Variants in FAM199X observed in about 807,000 individuals in gnomAD.
FAM199X encodes the protein family with sequence similarity 199, X-linked.
A neutral mutation model predicts 22.9 loss-of-function variants in FAM199X; 4 were observed. That is an observed-to-expected ratio of 0.17 (90% CI 0.09 to 0.40). The LOEUF is 0.40. Ranked by LOEUF, FAM199X falls within the 10% of genes least tolerant of loss-of-function variation. The probability of loss-of-function intolerance (pLI) is 1.00; values close to 1 mark genes in which losing one functional copy is unlikely to be tolerated. For synonymous variants in FAM199X, 101 were observed against 112.3 expected (o/e 0.90, Z 0.64); for missense variants, 183 against 306.8 (o/e 0.60, Z 3.01).
rs991723884 is a variant in FAM199X at position 104,191,992 on chromosome X, A to G, written c.*2214A>G. The G allele has an allele frequency of 1.3e-4, 15 of 112,125 alleles. No individual in the cohort carries two copies. The highest frequency in any genetic ancestry group is 4.5e-4 in the African/African-American group (14 of 30,944). 9.2% of individuals were successfully genotyped at this position (112,125 alleles called of 1,213,427 possible). A position where few individuals can be genotyped will look rare whatever the true frequency, so the allele number is the denominator to read the frequency against. ...GTAAATCCAGATGAACTGTCATTAT[A>G]GTACTATAAATTAGAGATAGTCCAT... is the stretch of plus-strand genomic sequence containing the variant. On this transcript the variant is annotated 3_prime_UTR_variant, in exon 6 of 6. Coordinates refer to ENST00000493442, the MANE Select transcript of FAM199X (RefSeq NM_207318.4).
In FAM199X at chrX:104,187,070, C is replaced by T. The variant is rs541213281; in HGVS notation, c.729+449C>T. Among the ~76,000 whole-genome samples the T allele has an allele frequency of 3.6e-5, 4 of 109,637 alleles. No homozygotes were observed. In the East Asian group the frequency reaches 8.5e-4, roughly 23 times the overall value. On this transcript the variant is annotated intron_variant, in intron 4 of 5. Coordinates refer to ENST00000493442, the MANE Select transcript of FAM199X (RefSeq NM_207318.4). ...ATTTTCCCTCTGCTGTTCTGAAATA[C>T]GCATCTCTGGTACTCTGGTATCATC...
At chrX:104,183,165 A>T (rs1224592305) in intron 2 of FAM199X, among the ~76,000 whole-genome samples, 2 of 111,384 alleles carry the variant, frequency 1.8e-5, no homozygotes, top group African/African-American at 6.5e-5. Context: ...TTTTGAAAGT[A>T]TAGGTATTTC....
intron 2 of FAM199X, among the ~76,000 whole-genome samples, chrX:104,181,546 G>C (rs1181881182): frequency 3.6e-5 from 4 of 112,205 alleles, no homozygotes; most frequent in African/African-American, 9.7e-5. Flanking sequence ...ACTCTGCTTA[G>C]TGACATGTCT....
chrX:104,174,189 G>A (rs1405780412), intron 1 of FAM199X, among the ~76,000 whole-genome samples: 2 of 110,501 alleles, frequency 1.8e-5, no homozygotes, highest in Non-Finnish European at 3.8e-5. Context: ...AGAATCGCTC[G>A]AGCCTGGGAG....
chrX:104,167,003 C>A, intron 1 of FAM199X, 21 bp downstream of exon 1: 1 of 1,103,345 alleles, frequency 9.1e-7, no homozygotes, highest in Middle Eastern at 2.6e-4. Flanking sequence ...CACCTGAGGG[C>A]AGGGGTGGAT....
At position 104,166,533 on chromosome X, in the gene FAM199X, C is replaced by G. The variant is rs1361169007; in HGVS notation, c.-253C>G. ...CGCTGCGCTGACGGGCTGAGTCTGG[C>G]GGCGGCGGAAGCTGCAGAGGCCACC... is the stretch of plus-strand genomic sequence containing the variant. On this transcript the variant is annotated 5_prime_UTR_variant, in exon 1 of 6. Coordinates refer to ENST00000493442, the MANE Select transcript of FAM199X (RefSeq NM_207318.4). 41 of 235,205 alleles carry G rather than the reference C, an allele frequency of 1.7e-4. No individual in the cohort carries two copies. Among genetic ancestry groups the G allele is most frequent in the Non-Finnish European group, 3.0e-4 (39 of 131,215 alleles). 19.4% of individuals were successfully genotyped at this position (235,205 alleles called of 1,213,427 possible).
chrX:104,172,026 G>A (rs975650007), intron 1 of FAM199X, among the ~76,000 whole-genome samples: 9 of 111,170 alleles, frequency 8.1e-5, no homozygotes, highest in African/African-American at 2.9e-4. Flanking sequence ...GACTGTCACT[G>A]GCAATGGATG....
intron 1 of FAM199X, 142 bp downstream of exon 1, chrX:104,167,124 GC>G (rs782139683): frequency 3.7e-5 from 16 of 429,668 alleles, no homozygotes; most frequent in South Asian, 4.8e-5. Flanking sequence ...CTCCTTCCCT[GC>G]CCCCCCTCCC....
At chrX:104,176,523 C>G (rs1217370929) in intron 2 of FAM199X, among the ~76,000 whole-genome samples, 1 of 112,437 alleles carries the variant, frequency 8.9e-6, no homozygotes, top group Non-Finnish European at 1.9e-5. Flanking sequence ...ACTCGAATGT[C>G]TGCTACATTT....
chrX:104,160,911 C>T, the FAM199X span, among the ~76,000 whole-genome samples: 1 of 111,440 alleles, frequency 9.0e-6, no homozygotes, highest in Admixed American at 9.5e-5. Flanking sequence ...TCTAATCTCA[C>T]TTGACTAAAT....
At chrX:104,181,379 C>CTT (rs1921648249) in intron 2 of FAM199X, among the ~76,000 whole-genome samples, 1 of 112,002 alleles carries the variant, frequency 8.9e-6, no homozygotes, top group East Asian at 2.8e-4. Context: ...CCATACAATT[C>CTT]TCCTGTACAA....
chrX:104,194,171 A>C lies in FAM199X; in HGVS notation c.*4393A>C, dbSNP rs1224666095. ...ATGGCAAATTAAATTTTAATTTGAC[A>C]CTCATACCGAACTCAGAAAAGCTTG... is the stretch of plus-strand genomic sequence containing the variant. On this transcript the variant is annotated 3_prime_UTR_variant, in exon 6 of 6. Coordinates refer to ENST00000493442, the MANE Select transcript of FAM199X (RefSeq NM_207318.4). 1.8e-5 allele frequency: 2 copies of C among 111,538 alleles called. No homozygotes were observed. The highest frequency in any genetic ancestry group is 3.8e-5 in the Non-Finnish European group (2 of 52,916). The allele number at this position is 111,538 out of a possible 1,213,427, so 9.2% of individuals were successfully genotyped here.
intron 1 of FAM199X, among the ~76,000 whole-genome samples, chrX:104,173,588 T>A (rs1921412774): frequency 8.9e-6 from 1 of 111,797 alleles, no homozygotes; most frequent in Non-Finnish European, 1.9e-5. Flanking sequence ...TAATGAAGGA[T>A]GAGACACGAC....
At position 104,190,985 on chromosome X, in the gene FAM199X, T is replaced by C. The variant is rs1556380273; in HGVS notation, c.*1207T>C. The stretch of plus-strand genomic sequence containing the variant: ...GCATTATTCCTTTTCTTCTACCACA[T>C]GTCTTGAACATTCACATGGGTTAAA... On this transcript the variant is annotated 3_prime_UTR_variant, in exon 6 of 6. Coordinates refer to ENST00000493442, the MANE Select transcript of FAM199X (RefSeq NM_207318.4). The C allele has an allele frequency of 8.9e-6, 1 of 111,914 alleles. No homozygotes were observed. Among genetic ancestry groups the C allele is most frequent in the East Asian group, 2.8e-4 (1 of 3,597 alleles). The allele number at this position is 111,914 out of a possible 1,213,427, so 9.2% of individuals were successfully genotyped here.
At chrX:104,169,964 G>A (rs782577013) in intron 1 of FAM199X, among the ~76,000 whole-genome samples, 33 of 112,208 alleles carry the variant, frequency 2.9e-4, no homozygotes, top group Non-Finnish European at 5.1e-4. Context: ...AGTTTCCTAA[G>A]CATTCATACC....
At chrX:104,168,614 G>A (rs1459383813) in intron 1 of FAM199X, among the ~76,000 whole-genome samples, 1 of 112,120 alleles carries the variant, frequency 8.9e-6, no homozygotes, top group East Asian at 2.8e-4. Flanking sequence ...CTGTGATGAT[G>A]AGGGCAAGGG....
At chrX:104,184,903 A>G (rs931954794) in intron 2 of FAM199X, among the ~76,000 whole-genome samples, 1 of 106,680 alleles carries the variant, frequency 9.4e-6, no homozygotes, top group Non-Finnish European at 1.9e-5. Flanking sequence ...ATCTCAGACC[A>G]CAGGCATGTG....
In FAM199X at chrX:104,166,928, G is replaced by A. The variant is rs782421549; in HGVS notation, c.143G>A (p.Cys48Tyr). ...PGCLDISDFG[C>Y]QLSSCHRTDP... Reference sequence around the variant, plus strand: ...TGCCTGGACATCAGCGACTTCGGCTGCCAGCTGTCCTCCTGCCATCGCACC... The same window carrying A: ...TGCCTGGACATCAGCGACTTCGGCTACCAGCTGTCCTCCTGCCATCGCACC... Residue 48 changes from cysteine to tyrosine, a missense_variant, in exon 1 of 6, where the codon TGC becomes TAC. This residue lies in a region of FAM199X where 55 missense variants were observed against 60.6 expected (regional missense o/e 0.91). Transcript: ENST00000493442. The A allele has an allele frequency of 2.5e-6, 3 of 1,195,523 alleles. No homozygotes were observed. The Admixed American group carries it at 6.7e-5, about 27-fold the overall frequency.
chrX:104,182,469 CT>C (rs1921684991), intron 2 of FAM199X, among the ~76,000 whole-genome samples: 1 of 111,271 alleles, frequency 9.0e-6, no homozygotes, highest in African/African-American at 3.3e-5. Context: ...CAAGTTACTT[CT>C]TAGAAAATGT....
Sources: gnomAD v4.1 joint callset for allele counts (sites outside exome capture counted in the v4.1 genomes callset) on GRCh38, gnomAD v4.1.1 for gene constraint, gnomAD v4.1.1 regional missense constraint, MANE v1.5 for transcripts, NCBI Gene and HGNC (gene_info 2026-07-23, HGNC 2026-07-21) for gene names.